MCF2L: variants seen among roughly 807,000 people sequenced by gnomAD.
The protein encoded by MCF2L is guanine nucleotide exchange factor DBS.
A neutral mutation model predicts 153.4 loss-of-function variants in MCF2L; 97 were observed. The ratio of observed to expected loss-of-function variants is 0.63; its 90% CI spans 0.54 to 0.75. The LOEUF (loss-of-function observed/expected upper bound fraction) is 0.75. MCF2L is among the 30% of genes least tolerant of loss of function. MCF2L has a pLI of 0.00. For synonymous variants in MCF2L, 659 were observed against 632.2 expected, an observed-to-expected ratio of 1.04 and a Z score of -0.64; for missense variants, 1,347 against 1,495.2, an observed-to-expected ratio of 0.90 and a Z score of 1.64.
chr13:112,986,367 C>A (rs1232843081), intron 1 of MCF2L, among the ~76,000 whole-genome samples: 1 of 152,212 alleles, frequency 6.6e-6, no homozygotes, highest in East Asian at 1.9e-4. Flanking sequence ...CAGGAAGTCA[C>A]GGAGAGAAAT....
chr13:113,098,026 T>C lies in MCF2L; in HGVS notation c.*1167T>C, dbSNP rs750826315. ...CAGAAACATATTCTGTTCAAAACTTTTGAAGCCCTTTCGGTGTCTAGTCTG... is the reference window on the plus strand; with the variant it reads ...CAGAAACATATTCTGTTCAAAACTTCTGAAGCCCTTTCGGTGTCTAGTCTG... On this transcript the variant is annotated 3_prime_UTR_variant, in exon 30 of 30. Transcript: ENST00000535094. The C allele has an allele frequency of 2.0e-5, 3 of 152,330 alleles. No individual in the cohort carries two copies. The highest frequency in any genetic ancestry group is 4.4e-5 in the Non-Finnish European group (3 of 68,054). 9.4% of individuals were successfully genotyped at this position (152,330 alleles called of 1,614,324 possible). A position where few individuals can be genotyped will look rare whatever the true frequency, so the allele number is the denominator to read the frequency against.
chr13:112,938,742 G>A (rs999216812), intron 2 of MCF2L, among the ~76,000 whole-genome samples: 19 of 152,242 alleles, frequency 1.2e-4, no homozygotes, highest in African/African-American at 4.6e-4. Flanking sequence ...TCAAAGTTTT[G>A]GCGCTACCAG....
At chr13:112,994,270 G>A (rs1023584571) in intron 1 of MCF2L, among the ~76,000 whole-genome samples, 8 of 149,448 alleles carry the variant, frequency 5.4e-5, no homozygotes, top group Admixed American at 2.0e-4. Flanking sequence ...AGGGGCTGGC[G>A]TGGCTGTCGG....
chr13:112,923,150 C>CTCTCA (rs1411255504), intron 2 of MCF2L, among the ~76,000 whole-genome samples: 1 of 151,592 alleles, frequency 6.6e-6, no homozygotes, highest in Non-Finnish European at 1.5e-5. Context: ...TTGCTTTCTT[C>CTCTCA]TCTCATGTGT....
intron 3 of MCF2L, among the ~76,000 whole-genome samples, chr13:113,039,023 G>A (rs2086320197): frequency 6.6e-6 from 1 of 152,084 alleles, no homozygotes; most frequent in Non-Finnish European, 1.5e-5. Context: ...ACGCCCTGCT[G>A]ATTTTTTTTG....
rs568130427 is a variant in MCF2L, at chr13:112,925,566, C to G, written c.169+23195C>G. ...AGAAGAAATAAACCACTACAACATG[C>G]CTGCAGTTCACACATCAATCTCAAG... On this transcript the variant is annotated intron_variant, in intron 2 of 29. Coordinates refer to the MCF2L transcript ENST00000375608. 5.9e-5 allele frequency among the ~76,000 whole-genome samples: 9 copies of G among 152,294 alleles called. No individual in the cohort carries two copies. The South Asian group carries it at 1.7e-3, about 28-fold the overall frequency.
chr13:113,058,392 T>G (rs7328336), intron 4 of MCF2L, among the ~76,000 whole-genome samples: 6 of 146,768 alleles, frequency 4.1e-5, no homozygotes, highest in East Asian at 2.2e-4. Flanking sequence ...CTGAGTGTTT[T>G]GGTGCTGAGT....
rs533325827 is a variant in MCF2L at position 113,026,419 on chromosome 13, T to C, written c.278+1661T>C. On this transcript the variant is annotated intron_variant, in intron 3 of 29. Transcript: ENST00000535094. ...TCAGGAGTCTGCCTCAGATCTGATCTGGGGTCCGAATCCAGCTTTTTCGCT... is the reference window on the plus strand; with the variant it reads ...TCAGGAGTCTGCCTCAGATCTGATCCGGGGTCCGAATCCAGCTTTTTCGCT... Among the ~76,000 whole-genome samples the C allele has an allele frequency of 9.5e-4, 145 of 152,334 alleles. 1 individual carries two copies. Among genetic ancestry groups the C allele is most frequent in the African/African-American group, 3.3e-3 (139 of 41,582 alleles).
chr13:112,962,413 T>C (rs1291268467), intron 2 of MCF2L, among the ~76,000 whole-genome samples: 1 of 152,212 alleles, frequency 6.6e-6, no homozygotes, highest in Non-Finnish European at 1.5e-5. Flanking sequence ...CATGTGCTGG[T>C]GGGTTGCGGT....
intron 1 of MCF2L, among the ~76,000 whole-genome samples, chr13:112,899,240 C>T (rs992139305): frequency 5.3e-5 from 8 of 151,186 alleles, no homozygotes; most frequent in Non-Finnish European, 1.0e-4. Flanking sequence ...TGTGTGTGTG[C>T]GAGGCGCCTC....
chr13:113,017,110 G>A (rs1022906901), intron 2 of MCF2L, among the ~76,000 whole-genome samples: 1 of 152,240 alleles, frequency 6.6e-6, no homozygotes, highest in Non-Finnish European at 1.5e-5. Context: ...GAAGCCTGTG[G>A]CAGCCTCGGG....
intron 2 of MCF2L, among the ~76,000 whole-genome samples, chr13:113,019,884 TG>T (rs1053922370): frequency 2.0e-5 from 3 of 152,208 alleles, no homozygotes; most frequent in Non-Finnish European, 4.4e-5. Flanking sequence ...ACCAAGTCTA[TG>T]GGCACCTTCA....
rs151147187 is a variant in MCF2L at position 113,076,114 on chromosome 13, C to T, written c.1457C>T (p.Ala486Val). 6.4e-5 allele frequency: 104 copies of T among 1,613,898 alleles called. No individual in the cohort carries two copies. The East Asian group carries it at 1.8e-3, about 28-fold the overall frequency. ...GAAAATAAGATCCAGGAGCTCAACG[C>T]GATTTACAAGGAATACGAATCCATC... ...GAENKIQELN[A>V]IYKEYESILN... The change falls in exon 12 of 30, where the codon GCG (alanine) becomes GTG (valine). Residue 486 changes from alanine (A) to valine (V), a missense_variant. Around this residue, in one of 3 missense-constraint regions of MCF2L, gnomAD observed 820 missense variants for 921.2 expected, o/e 0.89. Transcript: ENST00000535094.
At position 112,904,625 on chromosome 13, in the gene MCF2L, C is replaced by T. The variant is rs1270557105; in HGVS notation, c.169+2254C>T. 6.6e-6 allele frequency among the ~76,000 whole-genome samples: 1 copy of T among 152,280 alleles called. No individual in the cohort carries two copies. The highest frequency in any genetic ancestry group is 1.5e-5 in the Non-Finnish European group (1 of 68,056). The stretch of plus-strand genomic sequence containing the variant: ...CCAAGAAAGCCCTTTAGGCAGCTTC[C>T]CTCCAACCCTGGACTCCAGGGGATT... On this transcript the variant is annotated intron_variant, in intron 2 of 29. Coordinates refer to the MCF2L transcript ENST00000375608. The surrounding 1 kb of genome is among the most constrained non-coding windows in gnomAD (Gnocchi z 4.2).
intron 3 of MCF2L, among the ~76,000 whole-genome samples, chr13:113,032,996 G>A (rs866198369): frequency 0.013 from 1,872 of 146,238 alleles, 59 homozygotes; most frequent in African/African-American, 0.048. Context: ...AGTGGCCCCC[G>A]TGATGTGAGT....
rs2142174198 is a variant in MCF2L at position 113,098,666 on chromosome 13, G to C, written c.*1807G>C. The C allele has an allele frequency of 6.6e-6, 1 of 152,402 alleles. No individual in the cohort carries two copies. The highest frequency in any genetic ancestry group is 2.4e-5 in the African/African-American group (1 of 41,592). The allele number at this position is 152,402 out of a possible 1,614,324, so 9.4% of individuals were successfully genotyped here. A position where few individuals can be genotyped will look rare whatever the true frequency, so the allele number is the denominator to read the frequency against. The stretch of plus-strand genomic sequence containing the variant: ...TGGGACGGAAAAGAAGCCGGCAGTG[G>C]GCAGGGCCCAGCGTGCGGCTCAGGC... On this transcript the variant is annotated 3_prime_UTR_variant, in exon 30 of 30. Coordinates refer to ENST00000535094, the MANE Select transcript of MCF2L (RefSeq NM_001112732.3).
chr13:113,082,780 C>A (rs2034273937), intron 17 of MCF2L, among the ~76,000 whole-genome samples: 1 of 152,282 alleles, frequency 6.6e-6, no homozygotes, highest in African/African-American at 2.4e-5. Flanking sequence ...AAGTGAGCCG[C>A]CAGCCGTGAG....
chr13:113,077,629 A>C (rs893650999), intron 13 of MCF2L, among the ~76,000 whole-genome samples: 2 of 152,012 alleles, frequency 1.3e-5, no homozygotes, highest in African/African-American at 4.8e-5. Flanking sequence ...AACATTCCTC[A>C]CACACGGCCC....
chr13:112,996,949 C>G (rs1297088746), intron 1 of MCF2L, among the ~76,000 whole-genome samples: 3 of 152,256 alleles, frequency 2.0e-5, no homozygotes, highest in Non-Finnish European at 4.4e-5. Flanking sequence ...CTGGCAGCTG[C>G]TGGGCCAGTC....
Sources: allele counts gnomAD v4.1 joint callset (sites outside exome capture counted in the v4.1 genomes callset), GRCh38; gene constraint gnomAD v4.1.1; regional missense constraint gnomAD v4.1.1; non-coding constraint Gnocchi (gnomAD v3.1); transcripts MANE v1.5; gene names NCBI Gene and HGNC (gene_info 2026-07-23, HGNC 2026-07-21).